EFNA5: variants seen among roughly 807,000 people sequenced by gnomAD.
The protein encoded by EFNA5 is ephrin-A5.
A neutral mutation model predicts 22.9 loss-of-function variants in EFNA5; 5 were observed. The ratio of observed to expected loss-of-function variants is 0.22; its 90% CI spans 0.11 to 0.46. EFNA5 has a LOEUF of 0.46. EFNA5 is among the 20% of genes least tolerant of loss of function. The pLI, the probability that EFNA5 is intolerant of heterozygous loss-of-function variation, is 0.99. For synonymous variants in EFNA5, 113 were observed against 112.2 expected (o/e 1.01, Z -0.04); for missense variants, 237 against 293.3 (o/e 0.81, Z 1.40).
At chr5:107,605,979 G>A (rs1262074813) in intron 1 of EFNA5, among the ~76,000 whole-genome samples, 1 of 152,086 alleles carries the variant, frequency 6.6e-6, no homozygotes, top group African/African-American at 2.4e-5. Flanking sequence ...ATATCACTCA[G>A]GTCACTTCAA....
intron 2 of EFNA5, among the ~76,000 whole-genome samples, chr5:107,418,048 G>A (rs1177735143): frequency 6.6e-6 from 1 of 152,188 alleles, no homozygotes; most frequent in Non-Finnish European, 1.5e-5. Flanking sequence ...GTCTATTCTA[G>A]AAAGTATTAT....
chr5:107,418,225 T>G (rs1561377449), intron 2 of EFNA5, among the ~76,000 whole-genome samples: 1 of 152,162 alleles, frequency 6.6e-6, no homozygotes, highest in East Asian at 1.9e-4. Flanking sequence ...GTATAAACAC[T>G]GTTATTCCAA....
At chr5:107,446,619 T>TGGCG (rs1749404661) in intron 1 of EFNA5, among the ~76,000 whole-genome samples, 1 of 152,020 alleles carries the variant, frequency 6.6e-6, no homozygotes, top group South Asian at 2.1e-4. Context: ...CTGGGCATGG[T>TGGCG]GGCGGGCGCC....
At chr5:107,575,880 T>C (rs747761993) in intron 1 of EFNA5, among the ~76,000 whole-genome samples, 1 of 152,174 alleles carries the variant, frequency 6.6e-6, no homozygotes, top group Non-Finnish European at 1.5e-5. Flanking sequence ...CATTTGCCAA[T>C]AGCAAATATA....
chr5:107,590,757 T>C (rs1423991064), intron 1 of EFNA5, among the ~76,000 whole-genome samples: 1 of 152,174 alleles, frequency 6.6e-6, no homozygotes, highest in East Asian at 1.9e-4. Flanking sequence ...TCTTACTTGT[T>C]CCATAGTCAT....
At chr5:107,588,750 A>G (rs541705851) in intron 1 of EFNA5, among the ~76,000 whole-genome samples, 2 of 152,238 alleles carry the variant, frequency 1.3e-5, no homozygotes, top group Non-Finnish European at 2.9e-5. Context: ...AATGTGTGTA[A>G]TAGAATGTAG....
intron 1 of EFNA5, among the ~76,000 whole-genome samples, chr5:107,538,035 C>G (rs1489980704): frequency 6.6e-6 from 1 of 152,078 alleles, no homozygotes; most frequent in Admixed American, 6.6e-5. Context: ...TAGGGTGGAC[C>G]TTCGACTGAG....
At chr5:107,470,635 G>A (rs1750114124) in intron 1 of EFNA5, among the ~76,000 whole-genome samples, 1 of 151,980 alleles carries the variant, frequency 6.6e-6, no homozygotes, top group Non-Finnish European at 1.5e-5. Context: ...TCTCAATTTC[G>A]GCACTCCTTC....
intron 1 of EFNA5, among the ~76,000 whole-genome samples, chr5:107,657,883 A>G (rs906144269): frequency 2.0e-5 from 3 of 152,184 alleles, no homozygotes; most frequent in African/African-American, 7.2e-5. Context: ...AAAAACGCAG[A>G]GTAATCTTCT....
At chr5:107,448,078 G>C (rs1363881383) in intron 1 of EFNA5, among the ~76,000 whole-genome samples, 1 of 152,182 alleles carries the variant, frequency 6.6e-6, no homozygotes, top group African/African-American at 2.4e-5. Context: ...TTATAGGCAT[G>C]AGCCACTGCG....
intron 1 of EFNA5, among the ~76,000 whole-genome samples, chr5:107,441,777 C>G (rs1749262894): frequency 3.3e-5 from 5 of 151,920 alleles, no homozygotes; most frequent in Admixed American, 1.3e-4. Context: ...GAGATGTTTC[C>G]AAGTATATGG....
chr5:107,586,943 TA>T (rs1272506927), intron 1 of EFNA5, among the ~76,000 whole-genome samples: 1 of 152,202 alleles, frequency 6.6e-6, no homozygotes, highest in East Asian at 1.9e-4. Context: ...CAGATATGAC[TA>T]GGGGTAATCT....
At chr5:107,482,991 T>C (rs1020598026) in intron 1 of EFNA5, among the ~76,000 whole-genome samples, 1 of 151,920 alleles carries the variant, frequency 6.6e-6, no homozygotes, top group African/African-American at 2.4e-5. Flanking sequence ...TTTCACGCAC[T>C]GGTGCCAATG....
intron 1 of EFNA5, among the ~76,000 whole-genome samples, chr5:107,628,801 A>G (rs1427267886): frequency 6.6e-6 from 1 of 152,140 alleles, no homozygotes; most frequent in Admixed American, 6.5e-5. Context: ...AGGACAAAGA[A>G]AGGTAGTATT....
intron 1 of EFNA5, among the ~76,000 whole-genome samples, chr5:107,542,424 T>C (rs1345984160): frequency 6.6e-6 from 1 of 152,200 alleles, no homozygotes. Flanking sequence ...GATATAGTTA[T>C]TCAGGGTCTG....
At chr5:107,582,602 T>A (rs192476905) in intron 1 of EFNA5, among the ~76,000 whole-genome samples, 54 of 152,290 alleles carry the variant, frequency 3.5e-4, no homozygotes, top group Non-Finnish European at 1.8e-4. Flanking sequence ...TTTTGGAACA[T>A]AAAAGTGACT....
intron 1 of EFNA5, among the ~76,000 whole-genome samples, chr5:107,515,798 G>A (rs1177324559): frequency 6.6e-6 from 1 of 152,176 alleles, no homozygotes; most frequent in Non-Finnish European, 1.5e-5. Context: ...TCCTACTCAT[G>A]CTCACGCCCC....
chr5:107,454,148 A>T (rs1454811469), intron 1 of EFNA5, among the ~76,000 whole-genome samples: 15 of 152,182 alleles, frequency 9.9e-5, no homozygotes, highest in Non-Finnish European at 4.4e-5. Flanking sequence ...GGAAATGCTG[A>T]TATTCAGGCT....
At chr5:107,640,984 ATAGATAGATAGATAG>A (rs1561457250) in intron 1 of EFNA5, among the ~76,000 whole-genome samples, 84 of 113,428 alleles carry the variant, frequency 7.4e-4, no homozygotes, top group African/African-American at 2.6e-3. Flanking sequence ...AGGTAGATAG[ATAGATAGATAGATAG>A]ATAGATAGAT....
Sources: allele counts gnomAD v4.1 joint callset (sites outside exome capture counted in the v4.1 genomes callset), GRCh38; gene constraint gnomAD v4.1.1; transcripts MANE v1.5; gene names NCBI Gene and HGNC (gene_info 2026-07-23, HGNC 2026-07-21).